Variants in SNTG2 observed in about 807,000 individuals in gnomAD.
SNTG2 encodes the protein syntrophin gamma 2, also known as gamma-2-syntrophin.
SNTG2 carries 74 observed loss-of-function variants against 70.9 expected under a neutral mutation model. That is an observed-to-expected ratio of 1.04 (90% CI 0.86 to 1.27). The LOEUF is 1.27. Ranked by LOEUF, SNTG2 falls within the 50% of genes most tolerant of loss-of-function variation. The pLI, the probability that SNTG2 is intolerant of heterozygous loss-of-function variation, is 0.00. For synonymous variants in SNTG2, 278 were observed against 273.8 expected (o/e 1.02, Z -0.15); for missense variants, 717 against 690.7 (o/e 1.04, Z -0.43).
At chr2:1,192,637 C>A (rs557550723) in intron 8 of SNTG2, among the ~76,000 whole-genome samples, 1 of 151,988 alleles carries the variant, frequency 6.6e-6, no homozygotes, top group African/African-American at 2.4e-5. Flanking sequence ...CAATGTGAGA[C>A]GGGCTTCCTT....
chr2:1,251,020 C>G (rs1386733718), intron 12 of SNTG2, among the ~76,000 whole-genome samples: 1 of 152,232 alleles, frequency 6.6e-6, no homozygotes, highest in African/African-American at 2.4e-5. Flanking sequence ...ATTCTCTCTT[C>G]AGAGCCATCA....
At chr2:1,129,271 GAA>G (rs1046583527) in intron 4 of SNTG2, among the ~76,000 whole-genome samples, 21 of 152,298 alleles carry the variant, frequency 1.4e-4, no homozygotes, top group African/African-American at 5.1e-4. Flanking sequence ...CGCTGTTTTA[GAA>G]AGTCACTGGC....
At chr2:1,290,624 G>A (rs1198886781) in intron 14 of SNTG2, among the ~76,000 whole-genome samples, 1 of 152,098 alleles carries the variant, frequency 6.6e-6, no homozygotes, top group Non-Finnish European at 1.5e-5. Context: ...GAGAAGTACT[G>A]CACACCTTTA....
At chr2:966,989 T>G (rs1377166284) in intron 1 of SNTG2, among the ~76,000 whole-genome samples, 1 of 152,100 alleles carries the variant, frequency 6.6e-6, no homozygotes, top group Non-Finnish European at 1.5e-5. Flanking sequence ...AATAGTTTAA[T>G]GGCTATATTT....
At chr2:1,208,656 T>C (rs1034545505) in intron 8 of SNTG2, among the ~76,000 whole-genome samples, 6 of 152,186 alleles carry the variant, frequency 3.9e-5, no homozygotes, top group Non-Finnish European at 8.8e-5. Flanking sequence ...ACAGAGTCGT[T>C]GCTACCGATA....
At chr2:1,005,901 T>A in intron 1 of SNTG2, among the ~76,000 whole-genome samples, 1 of 121,174 alleles carries the variant, frequency 8.3e-6, no homozygotes, top group Non-Finnish European at 1.8e-5. Flanking sequence ...CTTGAGACTT[T>A]ATTTTTATAT....
intron 9 of SNTG2, among the ~76,000 whole-genome samples, chr2:1,218,329 T>C (rs530260300): frequency 1.3e-5 from 2 of 152,310 alleles, no homozygotes; most frequent in South Asian, 2.1e-4. Context: ...TTTCTGTTGA[T>C]TGAATAACTG....
chr2:1,341,982 AT>A (rs1660122418), intron 16 of SNTG2, among the ~76,000 whole-genome samples: 1 of 151,950 alleles, frequency 6.6e-6, no homozygotes, highest in Non-Finnish European at 1.5e-5. Context: ...AAGCACTGGG[AT>A]TACAGCTGTG....
chr2:1,301,924 G>T (rs1477707008), intron 14 of SNTG2, among the ~76,000 whole-genome samples: 1 of 151,912 alleles, frequency 6.6e-6, no homozygotes, highest in East Asian at 1.9e-4. Flanking sequence ...GAGAGTGCAG[G>T]TGACACCACA....
intron 14 of SNTG2, among the ~76,000 whole-genome samples, chr2:1,279,683 A>T (rs1679436179): frequency 6.6e-6 from 1 of 152,112 alleles, no homozygotes; most frequent in African/African-American, 2.4e-5. Context: ...ATGTTTTCAG[A>T]TGGGAAGTTG....
At chr2:1,081,371 G>A (rs1180000541) in intron 1 of SNTG2, among the ~76,000 whole-genome samples, 1 of 152,220 alleles carries the variant, frequency 6.6e-6, no homozygotes, top group Non-Finnish European at 1.5e-5. Context: ...GTTTCATCCT[G>A]TTTCATGCTG....
In SNTG2 at chr2:1,007,003, T is replaced by C. The variant is rs191499635; in HGVS notation, c.72+55935T>C. ...GAGATTGTGCCACTGCACCCCAGCC[T>C]GGGCAACAGAGCGAAACTCCATCTC... is the stretch of plus-strand genomic sequence containing the variant. On this transcript the variant is annotated intron_variant, in intron 1 of 16. Transcript: ENST00000308624. Among the ~76,000 whole-genome samples, 704 of 152,126 alleles carry C rather than the reference T, an allele frequency of 4.6e-3. 3 individuals are homozygous for C. The highest frequency in any genetic ancestry group is 7.2e-3 in the Admixed American group (110 of 15,284).
chr2:1,132,787 C>T (rs560233849), intron 4 of SNTG2, among the ~76,000 whole-genome samples: 26 of 152,290 alleles, frequency 1.7e-4, no homozygotes, highest in East Asian at 3.9e-4. Context: ...CTAGAGGAAA[C>T]GCCCACTCAC....
At chr2:1,249,048 GAT>G (rs753062084) in intron 12 of SNTG2, among the ~76,000 whole-genome samples, 8 of 152,192 alleles carry the variant, frequency 5.3e-5, no homozygotes, top group Admixed American at 5.2e-4. Context: ...CTGGTAAACT[GAT>G]TGCAGCGTCA....
chr2:1,131,738 A>G (rs1185156588), intron 4 of SNTG2, among the ~76,000 whole-genome samples: 1 of 149,208 alleles, frequency 6.7e-6, no homozygotes, highest in Non-Finnish European at 1.5e-5. Flanking sequence ...TGCAACCTCC[A>G]CCTCCCGGGT....
rs562822885 is a variant in SNTG2, at chr2:1,055,784, G to A, written c.73-27734G>A. Among the ~76,000 whole-genome samples, 18 of 152,272 alleles carry A rather than the reference G, an allele frequency of 1.2e-4. No homozygotes were observed. In the South Asian group the frequency reaches 2.9e-3, roughly 25 times the overall value. On this transcript the variant is annotated intron_variant, in intron 1 of 16. Transcript: ENST00000308624. ...AACATTTCCATTTTCTAAGGTGACC[G>A]TGCCTTTATTTTGATGGCTCTGAAT...
At chr2:1,297,496 G>A (rs1323770225) in intron 14 of SNTG2, among the ~76,000 whole-genome samples, 10 of 152,000 alleles carry the variant, frequency 6.6e-5, no homozygotes, top group Non-Finnish European at 1.3e-4. Context: ...CCAGCCCGGC[G>A]CCTCTGCAGC....
chr2:1,294,329 C>G (rs2148225936), intron 14 of SNTG2, among the ~76,000 whole-genome samples: 1 of 152,312 alleles, frequency 6.6e-6, no homozygotes, highest in African/African-American at 2.4e-5. Context: ...CTGGCCATGC[C>G]CCTCCCATGC....
chr2:969,209 G>A (rs924591434), intron 1 of SNTG2, among the ~76,000 whole-genome samples: 3 of 152,056 alleles, frequency 2.0e-5, no homozygotes, highest in African/African-American at 7.2e-5. Context: ...CTTGCTACTC[G>A]GTTCCATTGG....
Sources: allele counts gnomAD v4.1 joint callset (sites outside exome capture counted in the v4.1 genomes callset), GRCh38; gene constraint gnomAD v4.1.1; transcripts MANE v1.5; gene names NCBI Gene and HGNC (gene_info 2026-07-23, HGNC 2026-07-21).